The following ANPEP variants were observed in gnomAD, a reference collection of about 807,000 sequenced individuals.
The protein encoded by ANPEP is aminopeptidase N.
Under a neutral mutation model 114.6 loss-of-function variants are expected in ANPEP, and 70 were observed. That is an observed-to-expected ratio of 0.61 (90% confidence interval 0.50 to 0.75). The LOEUF (loss-of-function observed/expected upper bound fraction) is 0.75. ANPEP is among the 30% of genes least tolerant of loss of function. The pLI is 0.00. For missense variants in ANPEP, 1,184 were observed against 1,259.5 expected (o/e 0.94, Z 0.91); for synonymous variants, 548 against 522.3 (o/e 1.05, Z -0.67).
chr15:89,808,041 T>C (rs901457154), intron 1 of ANPEP, among the ~76,000 whole-genome samples: 2 of 152,190 alleles, frequency 1.3e-5, no homozygotes, highest in Non-Finnish European at 2.9e-5. Context: ...GATCATTTTA[T>C]GCCACTGCTA....
chr15:89,808,673 C>T (rs1025963145), intron 1 of ANPEP, among the ~76,000 whole-genome samples: 1 of 151,362 alleles, frequency 6.6e-6, no homozygotes, highest in African/African-American at 2.4e-5. Context: ...GCAGGCAGGC[C>T]GGACTCGTGC....
intron 20 of ANPEP, among the ~76,000 whole-genome samples, chr15:89,787,811 TAGTC>T (rs1968534567): frequency 6.6e-6 from 1 of 151,994 alleles, no homozygotes; most frequent in Non-Finnish European, 1.5e-5. Flanking sequence ...AAAAGAAAAA[TAGTC>T]AGTTTTACCC....
chr15:89,786,294 T>C (rs183523014), intron 20 of ANPEP, among the ~76,000 whole-genome samples: 1 of 151,454 alleles, frequency 6.6e-6, no homozygotes, highest in Non-Finnish European at 1.5e-5. Context: ...CCCAAATAAA[T>C]CTGTGTCCAT....
rs116745219 is a variant in ANPEP, at chr15:89,801,344, G to A, written c.1742+91C>T. 1.5e-3 allele frequency: 2,413 copies of A among 1,561,992 alleles called. 32 individuals carry two copies. In the African/African-American group the frequency reaches 0.028, roughly 18 times the overall value. ...GGTCTGTCTACAGTGGCTGGGGCTGGGACCACAGGAGGCCAGTCCTACTAT... is the reference window on the plus strand; with the variant it reads ...GGTCTGTCTACAGTGGCTGGGGCTGAGACCACAGGAGGCCAGTCCTACTAT... On this transcript the variant is annotated intron_variant, in intron 11 of 20. Transcript: ENST00000300060.
intron 14 of ANPEP, among the ~76,000 whole-genome samples, chr15:89,798,247 AT>A (rs1262785734): frequency 1.3e-5 from 2 of 152,230 alleles, no homozygotes; most frequent in African/African-American, 4.8e-5. Flanking sequence ...TAGGTGCTCA[AT>A]AAGTACCTGT....
At chr15:89,797,792 C>G in intron 14 of ANPEP, 70 bp from the exon 15 acceptor site, 1 of 1,601,838 alleles carries the variant, frequency 6.2e-7, no homozygotes, top group South Asian at 1.1e-5. Flanking sequence ...GAACCCCAAC[C>G]CAGGCCCTCA....
chr15:89,806,974 G>C lies in ANPEP; in HGVS notation c.-223-168C>G. On this transcript the variant is annotated intron_variant, in intron 1 of 20. Transcript: ENST00000300060. This position sits in a 1 kb window ranked among gnomAD's most constrained non-coding sequence, Gnocchi z 5.7. ...AGAGGGTGGGAACAGCATCAGAACT[G>C]AGGTTAGAGTCAGGGAAGGACTTCC... The C allele has an allele frequency of 5.0e-6, 1 of 199,034 alleles. No homozygotes were observed. Among genetic ancestry groups the C allele is most frequent in the Non-Finnish European group, 1.0e-5 (1 of 95,570 alleles). 12.3% of individuals were successfully genotyped at this position (199,034 alleles called of 1,614,324 possible). A position where few individuals can be genotyped will look rare whatever the true frequency, so the allele number is the denominator to read the frequency against.
chr15:89,814,723 C>A, intron 1 of ANPEP, 49 bp downstream of exon 1: 1 of 153,054 alleles, frequency 6.5e-6, no homozygotes, highest in South Asian at 2.0e-4. Context: ...CCCAACTGCC[C>A]CACGACCCCT....
At chr15:89,793,453 C>T (rs550769698) in intron 15 of ANPEP, among the ~76,000 whole-genome samples, 1 of 152,272 alleles carries the variant, frequency 6.6e-6, no homozygotes, top group African/African-American at 2.4e-5. Flanking sequence ...GTAATTCCAG[C>T]ATTTTGAGAG....
chr15:89,804,302 C>G lies in ANPEP; in HGVS notation c.1130G>C (p.Ser377Thr), dbSNP rs764877425. ...LLFDPLSSSSSNKERVVTVIA... is the reference protein window; with the variant it reads ...LLFDPLSSSSTNKERVVTVIA... ...CACAGTGACCACCCGCTCCTTGTTG[C>G]TGCTGGAGGAGGACAGGGGGTCGAA... is the stretch of plus-strand genomic sequence containing the variant. Residue 377 changes from serine to threonine, a missense_variant, in exon 6 of 21, where the codon AGC becomes ACC. Physicochemically the swap from Ser to Thr is moderately conservative, Grantham distance 58. Coordinates refer to ENST00000300060, the MANE Select transcript of ANPEP (RefSeq NM_001150.3). 8.7e-6 allele frequency: 14 copies of G among 1,614,218 alleles called. No homozygotes were observed. The highest frequency in any genetic ancestry group is 3.3e-5 in the Admixed American group (2 of 60,028).
At chr15:89,792,944 T>C (rs1161258391) in intron 16 of ANPEP, 91 bp downstream of exon 16, 47 of 1,148,104 alleles carry the variant, frequency 4.1e-5, no homozygotes, top group Admixed American at 1.3e-4. Context: ...TGCCCCCGCA[T>C]TGAGAGCTGC....
At chr15:89,792,661 T>G (rs1330112835) in intron 16 of ANPEP, 99 bp from the exon 17 acceptor site, 24 of 1,101,372 alleles carry the variant, frequency 2.2e-5, no homozygotes, top group Non-Finnish European at 2.7e-5. Context: ...CCTAAGGCTC[T>G]GTGGCCTAAC....
At chr15:89,807,163 G>C (rs562029551) in intron 1 of ANPEP, among the ~76,000 whole-genome samples, 11 of 152,322 alleles carry the variant, frequency 7.2e-5, no homozygotes, top group Admixed American at 6.5e-4. Context: ...GTTCCTCCAG[G>C]TTCCCCTCCC....
intron 16 of ANPEP, 112 bp from the exon 17 acceptor site, chr15:89,792,674 G>A (rs1227012405): frequency 1.1e-6 from 1 of 920,808 alleles, no homozygotes; most frequent in Non-Finnish European, 1.7e-6. Flanking sequence ...GGCCTAACTG[G>A]CCCTCTGACC....
chr15:89,806,035 C>G lies in ANPEP; in HGVS notation c.549G>C (p.Glu183Asp). Residue 183 changes from glutamate to aspartate, a missense_variant, in exon 2 of 21, where the codon GAG becomes GAC. Coordinates refer to ENST00000300060, the MANE Select transcript of ANPEP (RefSeq NM_001150.3). This position sits in a 1 kb window ranked among gnomAD's most constrained non-coding sequence, Gnocchi z 5.7. ...DSQYEMDSEFEGELADDLAGF... is the reference protein window; with the variant it reads ...DSQYEMDSEFDGELADDLAGF... ...CCGCCAGGTCATCTGCCAACTCCCCCTCGAACTCGCTGTCCATCTCATACT... is the reference window on the plus strand; with the variant it reads ...CCGCCAGGTCATCTGCCAACTCCCCGTCGAACTCGCTGTCCATCTCATACT... 1 of 1,612,156 alleles carries G rather than the reference C, an allele frequency of 6.2e-7. No homozygotes were observed. Among genetic ancestry groups the G allele is most frequent in the Non-Finnish European group, 8.5e-7 (1 of 1,178,376 alleles).
At chr15:89,808,405 T>G (rs1379466306) in intron 1 of ANPEP, among the ~76,000 whole-genome samples, 1 of 152,238 alleles carries the variant, frequency 6.6e-6, no homozygotes, top group South Asian at 2.1e-4. Context: ...TGGTGATAAC[T>G]TGAGTCCTGG....
chr15:89,790,378 G>T (rs1368072477), intron 20 of ANPEP, 82 bp downstream of exon 20: 1 of 1,340,796 alleles, frequency 7.5e-7, no homozygotes, highest in Non-Finnish European at 1.1e-6. Context: ...GCTCCCTCAG[G>T]GCCACGTGGG....
At position 89,808,507 on chromosome 15, in the gene ANPEP, C is replaced by T. The variant is rs550263785; in HGVS notation, c.-223-1701G>A. On this transcript the variant is annotated intron_variant, in intron 1 of 20. Coordinates refer to ENST00000300060, the MANE Select transcript of ANPEP (RefSeq NM_001150.3). ...TCATTACTGAGATGTTGAGTGGATG[C>T]GCACATGCACGAAGGATTGAGTAAA... Among the ~76,000 whole-genome samples the T allele has an allele frequency of 1.4e-4, 21 of 152,360 alleles. 2 individuals are homozygous for T. Among genetic ancestry groups the T allele is most frequent in the African/African-American group, 4.1e-4 (17 of 41,588 alleles).
At chr15:89,791,314 A>G (rs1968619683) in intron 18 of ANPEP, among the ~76,000 whole-genome samples, 1 of 152,242 alleles carries the variant, frequency 6.6e-6, no homozygotes, top group African/African-American at 2.4e-5. Context: ...CATGCCTGAC[A>G]TAGAAATATT....
Sources: allele counts gnomAD v4.1 joint callset (sites outside exome capture counted in the v4.1 genomes callset), GRCh38; gene constraint gnomAD v4.1.1; non-coding constraint Gnocchi (gnomAD v3.1); transcripts MANE v1.5; gene names NCBI Gene and HGNC (gene_info 2026-07-23, HGNC 2026-07-21).